The following ZNF429 variants were observed in gnomAD, a reference collection of about 807,000 sequenced individuals.
ZNF429 encodes zinc finger protein 429.
A neutral mutation model predicts 56.8 loss-of-function variants in ZNF429; 53 were observed. That is an observed-to-expected ratio of 0.93 (90% confidence interval 0.75 to 1.17). The LOEUF (loss-of-function observed/expected upper bound fraction) is 1.17, where lower values mean the gene tolerates loss of function less well. Ranked by LOEUF, ZNF429 falls within the 50% of genes most tolerant of loss-of-function variation. The pLI is 0.00. For synonymous variants in ZNF429, 278 were observed against 264.7 expected, an observed-to-expected ratio of 1.05 and a Z score of -0.49; for missense variants, 849 against 788.4, an observed-to-expected ratio of 1.08 and a Z score of -0.92.
intron 1 of ZNF429, among the ~76,000 whole-genome samples, chr19:21,519,746 A>C (rs968439521): frequency 2.0e-4 from 30 of 152,114 alleles, no homozygotes; most frequent in Non-Finnish European, 3.8e-4. Context: ...CCAGTCTCCT[A>C]ATTCCCACAA....
chr19:21,507,908 T>C (rs1011297474), intron 1 of ZNF429, among the ~76,000 whole-genome samples: 1 of 152,130 alleles, frequency 6.6e-6, no homozygotes, highest in Non-Finnish European at 1.5e-5. Flanking sequence ...TGGTATTGAG[T>C]TGAAAACAAA....
chr19:21,512,681 AAAAGG>A (rs1272832546), intron 1 of ZNF429, among the ~76,000 whole-genome samples: 1 of 151,602 alleles, frequency 6.6e-6, no homozygotes, highest in Admixed American at 6.6e-5. Context: ...AAAAAAAAAA[AAAAGG>A]AGGAAAGAAT....
intron 1 of ZNF429, among the ~76,000 whole-genome samples, chr19:21,511,591 G>C (rs894384790): frequency 6.6e-6 from 1 of 151,172 alleles, no homozygotes; most frequent in African/African-American, 2.4e-5. Flanking sequence ...TCACTTTCCA[G>C]ACTGGGCAGC....
Position 21,531,112 on chromosome 19 carries a change from A to AAAAAACAAAAC in ZNF429, c.226+433_226+434insCAAAACAAAAA. ...CAAGAGTGAAACTCCATCTCAAAAA[A>AAAAAACAAAAC]AAAAAAAAAAAAAAAAACCAAAAAA... is the stretch of plus-strand genomic sequence containing the variant. On this transcript the variant is annotated intron_variant, in intron 3 of 3. Coordinates refer to ENST00000358491, the MANE Select transcript of ZNF429 (RefSeq NM_001001415.4). Among the ~76,000 whole-genome samples, 16 of 94,736 alleles carry AAAAAACAAAAC rather than the reference A, an allele frequency of 1.7e-4. 1 individual carries two copies. Among genetic ancestry groups the AAAAAACAAAAC allele is most frequent in the African/African-American group, 8.1e-4 (15 of 18,628 alleles). 62.2% of individuals were successfully genotyped at this position (94,736 alleles called of 152,430 possible).
At chr19:21,519,038 A>G (rs1211008443) in intron 1 of ZNF429, 1 of 151,964 alleles carries the variant, frequency 6.6e-6, no homozygotes, top group Non-Finnish European at 1.5e-5. Flanking sequence ...AGAGTTTCAT[A>G]TATGTTTATT....
chr19:21,537,415 A>G lies in ZNF429; in HGVS notation c.1362A>G (p.Lys454=), dbSNP rs1477429125. 1 of 1,613,446 alleles carries G rather than the reference A, an allele frequency of 6.2e-7. No individual in the cohort carries two copies. The highest frequency in any genetic ancestry group is 8.5e-7 in the Non-Finnish European group (1 of 1,179,788). ...TTCATACTGAAGAGAAACCCTATAAATGTAACGAATGTGGCAAAGCTTTTA... is the reference window on the plus strand; with the variant it reads ...TTCATACTGAAGAGAAACCCTATAAGTGTAACGAATGTGGCAAAGCTTTTA... ...KRIHTEEKPY[K]CNECGKAFNR... is the part of the protein sequence containing the mutation. Residue 454 remains lysine, a synonymous_variant, in exon 4 of 4, where the codon AAA becomes AAG. Coordinates refer to ENST00000358491, the MANE Select transcript of ZNF429 (RefSeq NM_001001415.4).
Position 21,537,704 on chromosome 19 carries a change from A to G in ZNF429, c.1651A>G (p.Arg551Gly). Residue 551 changes from arginine (R) to glycine (G), a missense_variant, in exon 4 of 4, where the codon AGA becomes GGA. Arg to Gly is a moderately radical substitution (Grantham distance 125). Transcript: ENST00000358491. ...ECGKAFNRSS[R>G]LTQHKKIHTG... ...TGGCAAAGCTTTTAACCGGTCCTCA[A>G]GACTTACTCAACATAAGAAAATTCA... 6.2e-7 allele frequency: 1 copy of G among 1,613,994 alleles called. No homozygotes were observed. The highest frequency in any genetic ancestry group is 2.2e-5 in the East Asian group (1 of 44,856).
At chr19:21,512,875 CTT>C (rs796247587) in intron 1 of ZNF429, among the ~76,000 whole-genome samples, 19 of 142,414 alleles carry the variant, frequency 1.3e-4, no homozygotes, top group South Asian at 2.2e-4. Flanking sequence ...CCATCTAAGT[CTT>C]TTTTTTTTTT....
Position 21,534,809 on chromosome 19 carries a change from C to T in ZNF429, c.227-1471C>T. 1.1e-3 allele frequency among the ~76,000 whole-genome samples: 142 copies of T among 130,418 alleles called. 1 individual carries two copies. In the East Asian group the frequency reaches 0.025, roughly 23 times the overall value. 85.6% of individuals were successfully genotyped at this position (130,418 alleles called of 152,430 possible). A position where few individuals can be genotyped will look rare whatever the true frequency, so the allele number is the denominator to read the frequency against. On this transcript the variant is annotated intron_variant, in intron 3 of 3. Coordinates refer to ENST00000358491, the MANE Select transcript of ZNF429 (RefSeq NM_001001415.4). ...TTTTTTGTGTTTTTTTTTTTTTGTT[C>T]GTTTGTTTGTTTTTTTTTGAGACGG... is the stretch of plus-strand genomic sequence containing the variant.
intron 3 of ZNF429, among the ~76,000 whole-genome samples, chr19:21,536,020 A>G: frequency 0.53 from 80,597 of 152,034 alleles, 21,568 homozygotes; most frequent in South Asian, 0.63. Flanking sequence ...TGTAACAGAA[A>G]TGTTTTTCAT....
chr19:21,506,705 C>T (rs962512014), intron 1 of ZNF429, among the ~76,000 whole-genome samples: 67 of 150,008 alleles, frequency 4.5e-4, no homozygotes, highest in African/African-American at 1.4e-3. Flanking sequence ...AATAGTTAAC[C>T]CTGTATTTGT....
intron 1 of ZNF429, among the ~76,000 whole-genome samples, chr19:21,511,574 A>G (rs1391359698): frequency 1.4e-5 from 2 of 144,790 alleles, no homozygotes; most frequent in Non-Finnish European, 3.0e-5. Context: ...CTGGACAGAG[A>G]CGCTCCTCAC....
intron 3 of ZNF429, among the ~76,000 whole-genome samples, chr19:21,531,562 A>G: frequency 0.2 from 29,832 of 152,114 alleles, 3,010 homozygotes; most frequent in African/African-American, 0.22. Context: ...CCAGCACTTC[A>G]GGAGGCCAAG....
chr19:21,513,338 T>A lies in ZNF429; in HGVS notation c.3+7564T>A, dbSNP rs183625715. The stretch of plus-strand genomic sequence containing the variant: ...TCTTCCATTTGACTTCTCCTGGATT[T>A]TATCTTTTATAATAAACCAGTAAAC... On this transcript the variant is annotated intron_variant, in intron 1 of 3. Transcript: ENST00000358491. 1.9e-3 allele frequency among the ~76,000 whole-genome samples: 282 copies of A among 152,336 alleles called. 1 individual carries two copies. Among genetic ancestry groups the A allele is most frequent in the Admixed American group, 3.1e-3 (47 of 15,300 alleles).
At position 21,537,751 on chromosome 19, in the gene ZNF429, A is replaced by G; in HGVS notation, c.1698A>G (p.Lys566=). Residue 566 remains lysine, a synonymous_variant, in exon 4 of 4, where the codon AAA becomes AAG. Transcript: ENST00000358491. Reference sequence around the variant, plus strand: ...TTCATACTGGAGAGAAACCCTACAAATGTAAACAATGTGACAAAGCTTTTA... The same window carrying G: ...TTCATACTGGAGAGAAACCCTACAAGTGTAAACAATGTGACAAAGCTTTTA... ...KKIHTGEKPY[K]CKQCDKAFTH... 1 of 1,613,832 alleles carries G rather than the reference A, an allele frequency of 6.2e-7. No homozygotes were observed. The highest frequency in any genetic ancestry group is 8.5e-7 in the Non-Finnish European group (1 of 1,179,976).
At position 21,536,372 on chromosome 19, in the gene ZNF429, G is replaced by GA; in HGVS notation, c.319_320insA (p.Gly107GlufsTer3). On this transcript the variant is annotated frameshift_variant, in exon 4 of 4. Transcript: ENST00000358491. LOFTEE classifies it high-confidence loss of function. ...GACACTGAGGAGATATGATAAACGT[G>GA]GACATGAGAACTTACAATTAAGAAA... 6.2e-7 allele frequency: 1 copy of GA among 1,613,788 alleles called. No homozygotes were observed. Among genetic ancestry groups the GA allele is most frequent in the Non-Finnish European group, 8.5e-7 (1 of 1,179,866 alleles).
chr19:21,517,960 A>G (rs2032829168), intron 1 of ZNF429, among the ~76,000 whole-genome samples: 3 of 149,998 alleles, frequency 2.0e-5, no homozygotes, highest in African/African-American at 7.3e-5. Context: ...TGCCTGGCTA[A>G]TTTTTTTTTA....
chr19:21,526,681 C>T (rs1160645700), intron 1 of ZNF429, among the ~76,000 whole-genome samples: 5 of 152,192 alleles, frequency 3.3e-5, no homozygotes, highest in African/African-American at 9.7e-5. Context: ...CACTATAACC[C>T]ATACTCTAAA....
At chr19:21,527,250 G>A (rs572336364) in intron 1 of ZNF429, among the ~76,000 whole-genome samples, 3 of 152,218 alleles carry the variant, frequency 2.0e-5, no homozygotes, top group East Asian at 1.9e-4. Flanking sequence ...TATGTAGAAT[G>A]GGGTCAAAAT....
Sources: gnomAD v4.1 joint callset for allele counts (sites outside exome capture counted in the v4.1 genomes callset) on GRCh38, gnomAD v4.1.1 for gene constraint, MANE v1.5 for transcripts, NCBI Gene and HGNC (gene_info 2026-07-23, HGNC 2026-07-21) for gene names.